The following ZMYM5 variants were observed in gnomAD, a reference collection of about 807,000 sequenced individuals.
ZMYM5 encodes zinc finger MYM-type containing 5.
ZMYM5 carries 41 observed loss-of-function variants against 61.8 expected under a neutral mutation model. The observed-to-expected ratio is 0.66, with a 90% CI of 0.52 to 0.86. ZMYM5 has a LOEUF of 0.86. ZMYM5 is among the 40% of genes least tolerant of loss of function. The pLI, the probability that ZMYM5 is intolerant of heterozygous loss-of-function variation, is 0.00. For synonymous variants in ZMYM5, 257 were observed against 276.4 expected (o/e 0.93, Z 0.70); for missense variants, 706 against 786.7 (o/e 0.90, Z 1.23).
At chr13:19,849,647 G>A (rs1191928142) in intron 4 of ZMYM5, among the ~76,000 whole-genome samples, 1 of 152,012 alleles carries the variant, frequency 6.6e-6, no homozygotes, top group Non-Finnish European at 1.5e-5. Context: ...TAATCACATA[G>A]TATTTCGTAA....
At chr13:19,828,477 T>C (rs564969296) in intron 7 of ZMYM5, among the ~76,000 whole-genome samples, 9 of 152,012 alleles carry the variant, frequency 5.9e-5, no homozygotes, top group Non-Finnish European at 1.2e-4. Context: ...CTGTCTCCAA[T>C]CAATCAATCA....
intron 6 of ZMYM5, among the ~76,000 whole-genome samples, chr13:19,836,335 A>G (rs1291570667): frequency 2.0e-5 from 3 of 151,792 alleles, no homozygotes; most frequent in Non-Finnish European, 4.4e-5. Context: ...GGTCTCAAGC[A>G]AGCCCTCTAC....
intron 4 of ZMYM5, among the ~76,000 whole-genome samples, chr13:19,847,211 A>T (rs1485517504): frequency 6.6e-6 from 1 of 152,176 alleles, no homozygotes; most frequent in Non-Finnish European, 1.5e-5. Context: ...GGCCTCAAAA[A>T]GTGCTGGGAT....
intron 7 of ZMYM5, among the ~76,000 whole-genome samples, chr13:19,834,994 C>CTT (rs71070250): frequency 1.1e-4 from 16 of 140,624 alleles, no homozygotes; most frequent in Non-Finnish European, 2.0e-4. Context: ...CATTTTCTTT[C>CTT]TTTTTTTTTT....
chr13:19,851,504 T>A, intron 3 of ZMYM5, 56 bp from the exon 4 acceptor site: 1 of 1,590,542 alleles, frequency 6.3e-7, no homozygotes, highest in South Asian at 1.1e-5. Flanking sequence ...ATTACTTGAC[T>A]GAAGTCCTTT....
intron 4 of ZMYM5, among the ~76,000 whole-genome samples, chr13:19,847,141 G>GT: frequency 6.6e-6 from 1 of 152,096 alleles, no homozygotes; most frequent in Middle Eastern, 3.4e-3. Flanking sequence ...TAGAGATGGG[G>GT]TTTTGTCATG....
chr13:19,833,695 C>G (rs1952590197), intron 7 of ZMYM5, among the ~76,000 whole-genome samples: 1 of 152,014 alleles, frequency 6.6e-6, no homozygotes, highest in African/African-American at 2.4e-5. Flanking sequence ...TTTTGGTGGG[C>G]AAAGATTCCT....
At chr13:19,825,930 C>T (rs1343987689) in intron 7 of ZMYM5, among the ~76,000 whole-genome samples, 1 of 151,594 alleles carries the variant, frequency 6.6e-6, no homozygotes, top group African/African-American at 2.4e-5. Flanking sequence ...GTAATCCCAG[C>T]TACTCTGGAG....
intron 7 of ZMYM5, among the ~76,000 whole-genome samples, chr13:19,833,883 T>G (rs1386119696): frequency 6.6e-6 from 1 of 152,236 alleles, no homozygotes; most frequent in Non-Finnish European, 1.5e-5. Flanking sequence ...CTCATGCCTA[T>G]AATCCCAGTA....
chr13:19,824,324 CT>C lies in ZMYM5; in HGVS notation c.*152del, dbSNP rs543954529. On this transcript the variant is annotated 3_prime_UTR_variant, in exon 8 of 8. Coordinates refer to ENST00000337963, the MANE Select transcript of ZMYM5 (RefSeq NM_001142684.2). ...AGATTTAGAATGGAAACATTCTTTG[CT>C]ATTTATTTGCTATCATACTTATTGC... The C allele has an allele frequency of 3.2e-4, 138 of 433,978 alleles. 1 individual carries two copies. In the South Asian group the frequency reaches 9.5e-3, roughly 30 times the overall value. The allele number at this position is 433,978 out of a possible 1,614,324, so 26.9% of individuals were successfully genotyped here.
chr13:19,828,180 T>C (rs1437172752), intron 7 of ZMYM5, among the ~76,000 whole-genome samples: 1 of 150,902 alleles, frequency 6.6e-6, no homozygotes, highest in Admixed American at 6.6e-5. Flanking sequence ...AAGTAAAAAA[T>C]GCAGAGGTGT....
chr13:19,830,413 T>A (rs976885254), intron 7 of ZMYM5, among the ~76,000 whole-genome samples: 1 of 152,198 alleles, frequency 6.6e-6, no homozygotes, highest in Non-Finnish European at 1.5e-5. Flanking sequence ...CTTACTCCGT[T>A]GCTCAGGTTG....
At chr13:19,845,076 T>C (rs1953029635) in intron 4 of ZMYM5, among the ~76,000 whole-genome samples, 1 of 152,172 alleles carries the variant, frequency 6.6e-6, no homozygotes, top group Non-Finnish European at 1.5e-5. Context: ...TAGAGATGTT[T>C]ATGAGAAACA....
chr13:19,834,758 T>A (rs1299105468), intron 7 of ZMYM5, among the ~76,000 whole-genome samples: 3 of 152,176 alleles, frequency 2.0e-5, no homozygotes, highest in Non-Finnish European at 4.4e-5. Flanking sequence ...TGGCATGATC[T>A]CGGGTTTGCA....
intron 7 of ZMYM5, among the ~76,000 whole-genome samples, chr13:19,832,260 T>C (rs576323033): frequency 6.6e-6 from 1 of 152,240 alleles, no homozygotes; most frequent in African/African-American, 2.4e-5. Flanking sequence ...CATTATGGTA[T>C]TTCTCTGAAG....
At chr13:19,843,864 G>A (rs372112954) in intron 4 of ZMYM5, among the ~76,000 whole-genome samples, 12 of 151,406 alleles carry the variant, frequency 7.9e-5, no homozygotes, top group Admixed American at 4.6e-4. Context: ...GCCAGGTGCG[G>A]TGGCTCACGC....
At position 19,840,297 on chromosome 13, in the gene ZMYM5, G is replaced by A. The variant is rs574985368; in HGVS notation, c.587-1312C>T. 4.6e-5 allele frequency among the ~76,000 whole-genome samples: 7 copies of A among 152,284 alleles called. No homozygotes were observed. The East Asian group carries it at 1.4e-3, about 29-fold the overall frequency. On this transcript the variant is annotated intron_variant, in intron 4 of 7. Coordinates refer to ENST00000337963, the MANE Select transcript of ZMYM5 (RefSeq NM_001142684.2). The stretch of plus-strand genomic sequence containing the variant: ...TGTAATTCCAGCACTTTGGGACACT[G>A]GAAGCCAGTGAGTTTGAAACCAGCC...
rs757732512 is a variant in ZMYM5 at position 19,824,963 on chromosome 13, A to G, written c.1524T>C (p.Asn508=). ...CAACTGGTACAATGGAGTCTTCAAA[A>G]TTTTTCTCTTCCAGTTGCTCTTGAA... ...DTFQEQLEEK[N]FEDSIVPVVL... is the part of the protein sequence containing the mutation. The change falls in exon 8 of 8, where the codon AAT becomes AAC. Residue 508 remains asparagine, a synonymous_variant. Coordinates refer to ENST00000337963, the MANE Select transcript of ZMYM5 (RefSeq NM_001142684.2). The G allele has an allele frequency of 2.2e-6, 3 of 1,366,014 alleles. No individual in the cohort carries two copies. In the East Asian group the frequency reaches 1.4e-4, roughly 62 times the overall value. 84.6% of individuals were successfully genotyped at this position (1,366,014 alleles called of 1,614,324 possible).
intron 7 of ZMYM5, among the ~76,000 whole-genome samples, chr13:19,830,839 CTTTT>C (rs1160103759): frequency 3.1e-5 from 4 of 129,582 alleles, no homozygotes; most frequent in Admixed American, 8.0e-5. Context: ...GTTACTTTTT[CTTTT>C]TTTTTTTTTT....
Sources: allele counts gnomAD v4.1 joint callset (sites outside exome capture counted in the v4.1 genomes callset), GRCh38; gene constraint gnomAD v4.1.1; transcripts MANE v1.5; gene names NCBI Gene and HGNC (gene_info 2026-07-23, HGNC 2026-07-21).